The following RNF216 variants were observed in gnomAD, a reference collection of about 807,000 sequenced individuals.
The protein encoded by RNF216 is ring finger protein 216.
A neutral mutation model predicts 110.8 loss-of-function variants in RNF216; 72 were observed. The ratio of observed to expected loss-of-function variants is 0.65; its 90% CI spans 0.54 to 0.79. The LOEUF (loss-of-function observed/expected upper bound fraction) is 0.79. Among genes scored for constraint, RNF216 ranks in the 30% least tolerant of loss-of-function variants. RNF216 has a pLI of 0.00. For synonymous variants in RNF216, 495 were observed against 407.5 expected, an observed-to-expected ratio of 1.21 and a Z score of -2.59; for missense variants, 1,342 against 1,141.2, an observed-to-expected ratio of 1.18 and a Z score of -2.54.
At chr7:5,625,065 G>A (rs1786623392) in intron 15 of RNF216, among the ~76,000 whole-genome samples, 1 of 152,266 alleles carries the variant, frequency 6.6e-6, no homozygotes, top group Non-Finnish European at 1.5e-5. Flanking sequence ...CCGCCAAGTG[G>A]GTGCCCATCT....
intron 1 of RNF216, among the ~76,000 whole-genome samples, chr7:5,765,184 G>C (rs1008719011): frequency 2.0e-5 from 3 of 152,126 alleles, no homozygotes; most frequent in Non-Finnish European, 4.4e-5. Context: ...CTTCAAGACC[G>C]GGCATGGTGG....
chr7:5,715,837 G>T (rs1476657743), intron 10 of RNF216, among the ~76,000 whole-genome samples: 1 of 148,962 alleles, frequency 6.7e-6, no homozygotes, highest in East Asian at 2.0e-4. Flanking sequence ...CACCTCCCAG[G>T]TTCAAGCGAT....
intron 1 of RNF216, among the ~76,000 whole-genome samples, chr7:5,766,226 G>A (rs1020583768): frequency 5.3e-5 from 8 of 151,962 alleles, no homozygotes; most frequent in Admixed American, 5.2e-4. Context: ...GGAGTTTGAT[G>A]TTGCAGTGAG....
At chr7:5,749,574 C>T (rs934879630) in intron 3 of RNF216, among the ~76,000 whole-genome samples, 2 of 152,164 alleles carry the variant, frequency 1.3e-5, no homozygotes, top group African/African-American at 4.8e-5. Flanking sequence ...TCAACTGTGT[C>T]ATTATAATGA....
At chr7:5,710,834 A>C (rs1562416583) in intron 13 of RNF216, among the ~76,000 whole-genome samples, 1 of 152,200 alleles carries the variant, frequency 6.6e-6, no homozygotes, top group Non-Finnish European at 1.5e-5. Flanking sequence ...GACCCACTGG[A>C]AGCACACAAG....
chr7:5,766,286 C>T (rs185639776), intron 1 of RNF216, among the ~76,000 whole-genome samples: 1 of 152,060 alleles, frequency 6.6e-6, no homozygotes, highest in African/African-American at 2.4e-5. Context: ...TGAGACACTG[C>T]CTCAAAAAAC....
chr7:5,737,141 A>T (rs1794468272), intron 5 of RNF216, among the ~76,000 whole-genome samples: 2 of 152,220 alleles, frequency 1.3e-5, no homozygotes, highest in African/African-American at 4.8e-5. Context: ...GTGTAGAAAG[A>T]AGTAGACATA....
chr7:5,626,908 G>A (rs938261539), intron 15 of RNF216, among the ~76,000 whole-genome samples: 12 of 152,168 alleles, frequency 7.9e-5, no homozygotes, highest in African/African-American at 2.9e-4. Context: ...GACAGGTAGA[G>A]AAGTTTCATG....
At chr7:5,677,020 C>A (rs1289553226) in intron 13 of RNF216, among the ~76,000 whole-genome samples, 1 of 152,210 alleles carries the variant, frequency 6.6e-6, no homozygotes, top group Non-Finnish European at 1.5e-5. Flanking sequence ...ATGAAACGAA[C>A]CTCGTAAGAG....
chr7:5,749,948 CTT>C (rs1436932331), intron 3 of RNF216, among the ~76,000 whole-genome samples: 1 of 152,016 alleles, frequency 6.6e-6, no homozygotes, highest in East Asian at 1.9e-4. Flanking sequence ...TTTAAGGAAA[CTT>C]TTTTCTTTTA....
intron 3 of RNF216, among the ~76,000 whole-genome samples, chr7:5,750,083 G>A (rs965875449): frequency 3.3e-5 from 5 of 152,036 alleles, no homozygotes; most frequent in Admixed American, 2.6e-4. Context: ...TATTTTTATG[G>A]CAATATCATT....
At chr7:5,647,669 T>G (rs1485485478) in intron 14 of RNF216, among the ~76,000 whole-genome samples, 1 of 152,168 alleles carries the variant, frequency 6.6e-6, no homozygotes, top group African/African-American at 2.4e-5. Flanking sequence ...TTCTTTGGGT[T>G]AGCTCGTATA....
At chr7:5,640,774 G>GT (rs1787688564) in intron 15 of RNF216, among the ~76,000 whole-genome samples, 1 of 152,170 alleles carries the variant, frequency 6.6e-6, no homozygotes, top group Admixed American at 6.5e-5. Context: ...TAGATTATAA[G>GT]TGAGTCTCAT....
rs77534297 is a variant in RNF216, at chr7:5,659,279, T to C, written c.2062-6769A>G. The stretch of plus-strand genomic sequence containing the variant: ...CAATAAACAAGTTAGGCTCAGTTTC[T>C]ATCTTCATGACATTTACGTTTTACT... On this transcript the variant is annotated intron_variant, in intron 13 of 16. Transcript: ENST00000389902. Among the ~76,000 whole-genome samples, 1,156 of 152,380 alleles carry C rather than the reference T, an allele frequency of 7.6e-3. 13 individuals are homozygous for C. Among genetic ancestry groups the C allele is most frequent in the African/African-American group, 0.026 (1,095 of 41,590 alleles).
intron 13 of RNF216, among the ~76,000 whole-genome samples, chr7:5,656,058 CAGG>C (rs1409729632): frequency 6.6e-6 from 1 of 152,070 alleles, no homozygotes; most frequent in African/African-American, 2.4e-5. Context: ...TACCTGAGGT[CAGG>C]AGTTTGAGAC....
intron 13 of RNF216, among the ~76,000 whole-genome samples, chr7:5,672,962 TC>T (rs896967462): frequency 1.3e-5 from 2 of 152,156 alleles, no homozygotes; most frequent in African/African-American, 4.8e-5. Flanking sequence ...TACTGAGATG[TC>T]CTGGCTACAG....
At chr7:5,713,875 A>G (rs528504631) in intron 11 of RNF216, among the ~76,000 whole-genome samples, 25 of 152,366 alleles carry the variant, frequency 1.6e-4, no homozygotes, top group African/African-American at 5.8e-4. Flanking sequence ...TCCATTTTAC[A>G]GAGGAAGAAA....
At chr7:5,641,962 G>A (rs1192493346) in intron 14 of RNF216, among the ~76,000 whole-genome samples, 1 of 150,102 alleles carries the variant, frequency 6.7e-6, no homozygotes, top group East Asian at 2.0e-4. Context: ...AAACCCGGGA[G>A]GTGAAGGCTG....
At chr7:5,703,073 G>A (rs893299742) in intron 13 of RNF216, among the ~76,000 whole-genome samples, 3 of 152,188 alleles carry the variant, frequency 2.0e-5, no homozygotes, top group Non-Finnish European at 4.4e-5. Flanking sequence ...GACTCACCTT[G>A]GAGGAGCAAG....
Sources: gnomAD v4.1 joint callset for allele counts (sites outside exome capture counted in the v4.1 genomes callset) on GRCh38, gnomAD v4.1.1 for gene constraint, MANE v1.5 for transcripts, NCBI Gene and HGNC (gene_info 2026-07-23, HGNC 2026-07-21) for gene names.